The following ROBO2 variants were observed in gnomAD, a reference collection of about 807,000 sequenced individuals.
ROBO2 encodes roundabout guidance receptor 2.
In ROBO2, 53 loss-of-function variants were observed where a neutral mutation model predicts 160.8. That is an observed-to-expected ratio of 0.33 (90% confidence interval 0.26 to 0.41). The LOEUF is 0.41. Ranked by LOEUF, ROBO2 falls within the 10% of genes least tolerant of loss-of-function variation. The pLI is 1.00. For missense variants in ROBO2, 1,577 were observed against 1,722.4 expected (o/e 0.92, Z 1.49); for synonymous variants, 664 against 611.7 (o/e 1.09, Z -1.26).
At position 76,147,377 on chromosome 3, in the gene ROBO2, T is replaced by C. The variant is rs1172005625; in HGVS notation, c.109+209775T>C. The stretch of plus-strand genomic sequence containing the variant: ...TTTTTAATAATTAAGGAATCAATAT[T>C]AATTATCTTATTAATTTTAATAAGT... On this transcript the variant is annotated intron_variant, in intron 2 of 26. Transcript: ENST00000487694. 8.7e-5 allele frequency among the ~76,000 whole-genome samples: 5 copies of C among 57,686 alleles called. No individual in the cohort carries two copies. The East Asian group carries it at 5.6e-3, about 65-fold the overall frequency. The allele number at this position is 57,686 out of a possible 152,430, so 37.8% of individuals were successfully genotyped here. A position where few individuals can be genotyped will look rare whatever the true frequency, so the allele number is the denominator to read the frequency against.
chr3:76,587,403 A>G (rs1385208831), intron 2 of ROBO2, among the ~76,000 whole-genome samples: 3 of 152,110 alleles, frequency 2.0e-5, no homozygotes, highest in Non-Finnish European at 4.4e-5. Flanking sequence ...GGTTTAATTG[A>G]CTCACAGTTC....
Position 77,302,253 on chromosome 3 carries a change from T to C in ROBO2, c.389-175161T>C, listed in dbSNP as rs1029787053. On this transcript the variant is annotated intron_variant, in intron 2 of 25. Coordinates refer to ENST00000461745, the Ensembl canonical transcript of ROBO2. ...CACCAAACCTGACCTGAGTCTGTTTTCTCAATAATAAAAAAAAAGATATTA... is the reference window on the plus strand; with the variant it reads ...CACCAAACCTGACCTGAGTCTGTTTCCTCAATAATAAAAAAAAAGATATTA... 2.6e-5 allele frequency among the ~76,000 whole-genome samples: 4 copies of C among 152,018 alleles called. No individual in the cohort carries two copies. The East Asian group carries it at 7.7e-4, about 29-fold the overall frequency.
chr3:76,298,515 A>C (rs1709197538), intron 2 of ROBO2, among the ~76,000 whole-genome samples: 2 of 152,196 alleles, frequency 1.3e-5, no homozygotes, highest in Admixed American at 6.5e-5. Flanking sequence ...ATCAAGGGGT[A>C]TCACTGTGAT....
At chr3:76,346,204 C>G (rs1235863362) in intron 2 of ROBO2, among the ~76,000 whole-genome samples, 1 of 151,758 alleles carries the variant, frequency 6.6e-6, no homozygotes, top group Non-Finnish European at 1.5e-5. Flanking sequence ...AATGTTAGCT[C>G]TCCAAGTTAC....
At chr3:76,670,735 G>T (rs2092233319) in intron 2 of ROBO2, among the ~76,000 whole-genome samples, 1 of 151,410 alleles carries the variant, frequency 6.6e-6, no homozygotes, top group African/African-American at 2.4e-5. Flanking sequence ...TAGAAAAATG[G>T]TTATTTTACC....
intron 2 of ROBO2, among the ~76,000 whole-genome samples, chr3:76,197,052 G>T (rs552512001): frequency 1.3e-5 from 2 of 152,314 alleles, no homozygotes; most frequent in East Asian, 3.9e-4. Context: ...TGGTTATACT[G>T]TTGTACCCAG....
At chr3:76,318,192 A>G (rs1007544481) in intron 2 of ROBO2, among the ~76,000 whole-genome samples, 1 of 152,150 alleles carries the variant, frequency 6.6e-6, no homozygotes, top group Non-Finnish European at 1.5e-5. Flanking sequence ...GTATATTAAA[A>G]AAGCTCTTTG....
intron 1 of ROBO2, among the ~76,000 whole-genome samples, chr3:77,093,260 T>C (rs1001050660): frequency 6.6e-6 from 1 of 152,194 alleles, no homozygotes; most frequent in African/African-American, 2.4e-5. Flanking sequence ...TGGATCATGC[T>C]TTTGTTGCTA....
chr3:77,009,944 T>TA (rs2061780716), intron 2 of ROBO2, among the ~76,000 whole-genome samples: 1 of 42,524 alleles, frequency 2.4e-5, no homozygotes, highest in Non-Finnish European at 5.8e-5. Context: ...AGACTCTGTC[T>TA]TAAAAAAAAA....
chr3:77,451,674 T>C (rs1156283050), intron 2 of ROBO2, among the ~76,000 whole-genome samples: 2 of 152,144 alleles, frequency 1.3e-5, no homozygotes, highest in Non-Finnish European at 2.9e-5. Flanking sequence ...TTCCTCTTTA[T>C]CTCTCCCCTC....
intron 2 of ROBO2, among the ~76,000 whole-genome samples, chr3:77,113,122 C>T (rs1052618927): frequency 2.6e-5 from 4 of 152,148 alleles, no homozygotes; most frequent in Admixed American, 6.5e-5. Flanking sequence ...TTTCAAAATC[C>T]ATTGAGATTG....
At chr3:77,295,655 C>A (rs1483427539) in intron 2 of ROBO2, among the ~76,000 whole-genome samples, 2 of 93,450 alleles carry the variant, frequency 2.1e-5, no homozygotes, top group African/African-American at 7.0e-5. Flanking sequence ...GGCTAGATCA[C>A]CCCAGACATA....
chr3:76,560,676 G>T (rs1476555044), intron 2 of ROBO2, among the ~76,000 whole-genome samples: 3 of 149,514 alleles, frequency 2.0e-5, no homozygotes, highest in Non-Finnish European at 4.4e-5. Flanking sequence ...TAAGTCTATA[G>T]TCAGGAGGAA....
chr3:76,404,699 C>T (rs932924091), intron 2 of ROBO2, among the ~76,000 whole-genome samples: 2 of 151,190 alleles, frequency 1.3e-5, no homozygotes, highest in African/African-American at 4.9e-5. Flanking sequence ...TAAAGAAATG[C>T]AGGCGTGTGG....
At chr3:75,945,561 ACT>A (rs1948254115) in intron 2 of ROBO2, among the ~76,000 whole-genome samples, 2 of 150,998 alleles carry the variant, frequency 1.3e-5, no homozygotes. Flanking sequence ...ACTATTGAAG[ACT>A]CAATAATTTT....
chr3:76,143,279 C>T (rs76470313), intron 2 of ROBO2, among the ~76,000 whole-genome samples: 3,395 of 152,150 alleles, frequency 0.022, 49 homozygotes, highest in Middle Eastern at 0.068. Context: ...AGTCGTCTCT[C>T]CTCTGCCTCC....
At chr3:77,283,526 G>C (rs2060382246) in intron 2 of ROBO2, among the ~76,000 whole-genome samples, 1 of 152,074 alleles carries the variant, frequency 6.6e-6, no homozygotes, top group African/African-American at 2.4e-5. Context: ...TCTAAAATAA[G>C]AGTATACATA....
chr3:76,887,096 A>G (rs1376264974), intron 2 of ROBO2, among the ~76,000 whole-genome samples: 1 of 152,062 alleles, frequency 6.6e-6, no homozygotes, highest in African/African-American at 2.4e-5. Context: ...AAAAGCATCA[A>G]TTTAAAGGGA....
At chr3:76,562,535 C>A (rs1243535781) in intron 2 of ROBO2, among the ~76,000 whole-genome samples, 5 of 151,862 alleles carry the variant, frequency 3.3e-5, no homozygotes, top group Non-Finnish European at 1.5e-5. Flanking sequence ...TCGGTCAGAG[C>A]CCTTCTTCGT....
Sources: allele counts gnomAD v4.1 joint callset (sites outside exome capture counted in the v4.1 genomes callset), GRCh38; gene constraint gnomAD v4.1.1; transcripts MANE v1.5; gene names NCBI Gene and HGNC (gene_info 2026-07-23, HGNC 2026-07-21).